The following ERGIC1 variants were observed in gnomAD, a reference collection of about 807,000 sequenced individuals.
ERGIC1 encodes the protein endoplasmic reticulum-Golgi intermediate compartment protein 1.
In ERGIC1, 19 loss-of-function variants were observed where a neutral mutation model predicts 38.3. That is an observed-to-expected ratio of 0.50 (90% CI 0.35 to 0.73). The LOEUF (loss-of-function observed/expected upper bound fraction) is 0.73. ERGIC1 is among the 30% of genes least tolerant of loss of function. The pLI, the probability that ERGIC1 is intolerant of heterozygous loss-of-function variation, is 0.01. For synonymous variants in ERGIC1, 124 were observed against 157.6 expected (o/e 0.79, Z 1.60); for missense variants, 294 against 389.2 (o/e 0.76, Z 2.06).
intron 3 of ERGIC1, among the ~76,000 whole-genome samples, chr5:172,909,168 C>CTTTTTTTTTTTTTTTTTTTTTTTTTT (rs70984920): frequency 1.2e-5 from 1 of 80,840 alleles, no homozygotes; most frequent in Non-Finnish European, 2.4e-5. Flanking sequence ...GCCCTCCCCT[C>CTTTTTTTTTTTTTTTTTTTTTTTTTT]TTTTTTTTTT....
chr5:172,840,665 A>G (rs1163882848), intron 1 of ERGIC1, among the ~76,000 whole-genome samples: 1 of 152,020 alleles, frequency 6.6e-6, no homozygotes, highest in Non-Finnish European at 1.5e-5. Context: ...ACCTTCGGCA[A>G]CTCTGTTACC....
chr5:172,900,330 G>A (rs1364030303), intron 3 of ERGIC1, among the ~76,000 whole-genome samples: 1 of 152,130 alleles, frequency 6.6e-6, no homozygotes, highest in Non-Finnish European at 1.5e-5. Flanking sequence ...CCCGTGCCAG[G>A]ACTTCCTCTC....
At chr5:172,870,114 C>G (rs995533934) in intron 1 of ERGIC1, among the ~76,000 whole-genome samples, 1 of 152,226 alleles carries the variant, frequency 6.6e-6, no homozygotes, top group African/African-American at 2.4e-5. Context: ...TACAAAAATA[C>G]TTCACGTTCA....
At chr5:172,921,549 T>G (rs917714505) in intron 5 of ERGIC1, 2 of 152,246 alleles carry the variant, frequency 1.3e-5, no homozygotes, top group Non-Finnish European at 2.9e-5. Context: ...AATCAGACTT[T>G]GATGGGCTGC....
Position 172,837,497 on chromosome 5 carries a change from G to A in ERGIC1, c.20+3064G>A, listed in dbSNP as rs1272396913. ...CCTGAGGGCAAGAAGTTTTTATCAG[G>A]CTTCTTCAAGGTTGCATCTCCAGCA... On this transcript the variant is annotated intron_variant, in intron 1 of 9. Coordinates refer to ENST00000393784, the MANE Select transcript of ERGIC1 (RefSeq NM_001031711.3). The surrounding 1 kb of genome is among the most constrained non-coding windows in gnomAD (Gnocchi z 4.3). Among the ~76,000 whole-genome samples, 2 of 152,126 alleles carry A rather than the reference G, an allele frequency of 1.3e-5. No homozygotes were observed. The highest frequency in any genetic ancestry group is 2.9e-5 in the Non-Finnish European group (2 of 68,042).
At chr5:172,899,340 C>T (rs1395522796) in intron 3 of ERGIC1, among the ~76,000 whole-genome samples, 4 of 113,970 alleles carry the variant, frequency 3.5e-5, no homozygotes, top group Non-Finnish European at 6.7e-5. Context: ...TTTTTGGAGA[C>T]GGAGTCTCGC....
intron 1 of ERGIC1, among the ~76,000 whole-genome samples, chr5:172,861,472 T>C (rs1761697272): frequency 2.0e-5 from 3 of 152,238 alleles, no homozygotes; most frequent in Admixed American, 1.3e-4. Context: ...TTCATGCCTG[T>C]TGCCCCAGTG....
intron 7 of ERGIC1, among the ~76,000 whole-genome samples, chr5:172,929,130 A>G (rs994599948): frequency 2.7e-5 from 4 of 150,072 alleles, no homozygotes; most frequent in Admixed American, 6.7e-5. Context: ...GTATACACAT[A>G]ATATGGGCTG....
chr5:172,908,393 A>G (rs1460490490), intron 3 of ERGIC1, among the ~76,000 whole-genome samples: 1 of 138,872 alleles, frequency 7.2e-6, no homozygotes, highest in East Asian at 2.5e-4. Flanking sequence ...CCTTGCCAAT[A>G]TGGTGAAACC....
At chr5:172,844,654 C>T (rs1180712456) in intron 1 of ERGIC1, among the ~76,000 whole-genome samples, 3 of 152,178 alleles carry the variant, frequency 2.0e-5, no homozygotes, top group Admixed American at 2.0e-4. Context: ...GGGCCCCATC[C>T]CATGCTAAGC....
Position 172,948,293 on chromosome 5 carries a change from T to C in ERGIC1, c.766-2416T>C, listed in dbSNP as rs551669814. On this transcript the variant is annotated intron_variant, in intron 9 of 9. Transcript: ENST00000393784. ...CCCCGCTTAGCTCATCTCATGGAAATATCATTTAAAAAAATAAACACTGGT... is the reference window on the plus strand; with the variant it reads ...CCCCGCTTAGCTCATCTCATGGAAACATCATTTAAAAAAATAAACACTGGT... Among the ~76,000 whole-genome samples, 290 of 152,320 alleles carry C rather than the reference T, an allele frequency of 1.9e-3. 1 individual carries two copies. The highest frequency in any genetic ancestry group is 6.7e-3 in the African/African-American group (277 of 41,578).
At chr5:172,844,720 G>T (rs1408513967) in intron 1 of ERGIC1, among the ~76,000 whole-genome samples, 4 of 152,212 alleles carry the variant, frequency 2.6e-5, no homozygotes, top group Non-Finnish European at 5.9e-5. Flanking sequence ...TCAGGTTTCA[G>T]CTGGGGCTCC....
At chr5:172,894,920 G>A (rs1762687507) in intron 2 of ERGIC1, among the ~76,000 whole-genome samples, 1 of 152,250 alleles carries the variant, frequency 6.6e-6, no homozygotes, top group Admixed American at 6.5e-5. Context: ...TTGCTTTGAA[G>A]ATAGATCAAT....
At position 172,847,970 on chromosome 5, in the gene ERGIC1, A is replaced by T. The variant is rs191048823; in HGVS notation, c.20+13537A>T. 4.9e-4 allele frequency among the ~76,000 whole-genome samples: 75 copies of T among 152,360 alleles called. 2 individuals are homozygous for T. The East Asian group carries it at 0.013, about 26-fold the overall frequency. ...AATAATTGCAATGTGTTTGGTTCTCACGAGCATCTGGTGCCTGGTGAAGTT... is the reference window on the plus strand; with the variant it reads ...AATAATTGCAATGTGTTTGGTTCTCTCGAGCATCTGGTGCCTGGTGAAGTT... On this transcript the variant is annotated intron_variant, in intron 1 of 9. Coordinates refer to ENST00000393784, the MANE Select transcript of ERGIC1 (RefSeq NM_001031711.3).
intron 1 of ERGIC1, among the ~76,000 whole-genome samples, chr5:172,864,620 C>G (rs1292063629): frequency 6.9e-6 from 1 of 145,828 alleles, no homozygotes; most frequent in Non-Finnish European, 1.5e-5. Context: ...TAGGGGCTGT[C>G]TTTTTTTTTT....
chr5:172,939,408 C>T (rs87627), intron 9 of ERGIC1, among the ~76,000 whole-genome samples: 115,114 of 152,214 alleles, frequency 0.76, 44,410 homozygotes, highest in African/African-American at 0.87. Flanking sequence ...TGCGCAGAGG[C>T]GCCCAGTATA....
intron 9 of ERGIC1, among the ~76,000 whole-genome samples, chr5:172,946,087 C>T (rs1764115308): frequency 6.6e-6 from 1 of 152,184 alleles, no homozygotes; most frequent in Admixed American, 6.5e-5. Context: ...GCTGGGTGCT[C>T]TCTGCTGCCA....
In ERGIC1 at chr5:172,859,410, C is replaced by G. The variant is rs144194897; in HGVS notation, c.20+24977C>G. 4.8e-3 allele frequency among the ~76,000 whole-genome samples: 728 copies of G among 152,094 alleles called. 2 individuals are homozygous for G. The highest frequency in any genetic ancestry group is 9.5e-3 in the South Asian group (46 of 4,818). On this transcript the variant is annotated intron_variant, in intron 1 of 9. Transcript: ENST00000393784. ...CCATGGCCGCCTCCTTATCACCCTT[C>G]CCAGCTGACGGAAAAGGCCATATTC...
rs543755080 is a variant in ERGIC1, at chr5:172,834,267, A to AGGCGAGT, written c.-124_-118dup. On this transcript the variant is annotated 5_prime_UTR_variant, in exon 1 of 10. Coordinates refer to ENST00000393784, the MANE Select transcript of ERGIC1 (RefSeq NM_001031711.3). The surrounding 1 kb of genome is among the most constrained non-coding windows in gnomAD (Gnocchi z 4.1). ...CGGAGCGTCACTTCCCGGCAGCGGG[A>AGGCGAGT]GGCGAGTGGCGAGTGGCGAGTGGCG... 9.6e-3 allele frequency: 7,244 copies of AGGCGAGT among 752,222 alleles called. 89 individuals are homozygous for AGGCGAGT. Among genetic ancestry groups the AGGCGAGT allele is most frequent in the African/African-American group, 0.036 (1,886 of 52,562 alleles). The allele number at this position is 752,222 out of a possible 1,614,324, so 46.6% of individuals were successfully genotyped here.
Sources: allele counts gnomAD v4.1 joint callset (sites outside exome capture counted in the v4.1 genomes callset), GRCh38; gene constraint gnomAD v4.1.1; non-coding constraint Gnocchi (gnomAD v3.1); transcripts MANE v1.5; gene names NCBI Gene and HGNC (gene_info 2026-07-23, HGNC 2026-07-21).